The following NALF1 variants were observed in gnomAD, a reference collection of about 807,000 sequenced individuals.
NALF1 encodes family with sequence similarity 155 member A.
In NALF1, 3 loss-of-function variants were observed where a neutral mutation model predicts 48.4. The observed-to-expected ratio is 0.06, with a 90% CI of 0.03 to 0.16. NALF1 has a LOEUF of 0.16. NALF1 is among the 10% of genes least tolerant of loss of function. The pLI is 1.00. For missense variants in NALF1, 526 were observed against 571.5 expected, an observed-to-expected ratio of 0.92 and a Z score of 0.81; for synonymous variants, 262 against 245.7, an observed-to-expected ratio of 1.07 and a Z score of -0.62.
At position 107,259,161 on chromosome 13, in the gene NALF1, C is replaced by T. The variant is rs114021367; in HGVS notation, c.916-48406G>A. 4.3e-3 allele frequency among the ~76,000 whole-genome samples: 654 copies of T among 152,272 alleles called. 8 individuals are homozygous for T. The highest frequency in any genetic ancestry group is 0.015 in the African/African-American group (620 of 41,570). On this transcript the variant is annotated intron_variant, in intron 1 of 2. Coordinates refer to ENST00000375915, the MANE Select transcript of NALF1 (RefSeq NM_001080396.3). ...TATGCTTCTGAGCTGCTCCTGGCCA[C>T]GTGTGCCTTTTCCCCTTTTCCTCCA... is the stretch of plus-strand genomic sequence containing the variant.
intron 1 of NALF1, among the ~76,000 whole-genome samples, chr13:107,378,178 C>T (rs2138971151): frequency 6.6e-6 from 1 of 152,216 alleles, no homozygotes; most frequent in South Asian, 2.1e-4. Flanking sequence ...ATTTTACATT[C>T]TGTATGATGC....
chr13:107,447,439 C>G (rs1566346409), intron 1 of NALF1, among the ~76,000 whole-genome samples: 2 of 152,122 alleles, frequency 1.3e-5, no homozygotes, highest in Admixed American at 1.3e-4. Context: ...ATAAGATGCT[C>G]ATTTCTTTTA....
intron 1 of NALF1, among the ~76,000 whole-genome samples, chr13:107,462,883 A>G (rs114076162): frequency 6.6e-6 from 1 of 152,116 alleles, no homozygotes; most frequent in Non-Finnish European, 1.5e-5. Context: ...GCTGATTTTA[A>G]TCTGTATATT....
chr13:107,494,035 T>TCACTTTTTGA (rs1875240430), intron 1 of NALF1, among the ~76,000 whole-genome samples: 1 of 150,506 alleles, frequency 6.6e-6, no homozygotes, highest in African/African-American at 2.5e-5. Flanking sequence ...AATGATTTGA[T>TCACTTTTTGA]TTCAGTACAC....
chr13:107,441,340 G>A (rs1219850173), intron 1 of NALF1, among the ~76,000 whole-genome samples: 1 of 152,188 alleles, frequency 6.6e-6, no homozygotes. Context: ...TGGATCTATT[G>A]AGGAATTTAA....
chr13:107,550,788 T>C lies in NALF1; in HGVS notation c.915+314894A>G, dbSNP rs1877269445. Among the ~76,000 whole-genome samples the C allele has an allele frequency of 2.0e-5, 3 of 152,096 alleles. No individual in the cohort carries two copies. In the South Asian group the frequency reaches 6.2e-4, roughly 32 times the overall value. On this transcript the variant is annotated intron_variant, in intron 1 of 2. Coordinates refer to ENST00000375915, the MANE Select transcript of NALF1 (RefSeq NM_001080396.3). The stretch of plus-strand genomic sequence containing the variant: ...AGAGGATAACTAGACCAATGAACTA[T>C]AATGTTAGTTTAGGTCCTGGCTCAG...
intron 1 of NALF1, among the ~76,000 whole-genome samples, chr13:107,262,473 C>T (rs74839056): frequency 0.019 from 2,883 of 152,188 alleles, 38 homozygotes; most frequent in Non-Finnish European, 0.031. Flanking sequence ...CGATGTTGGA[C>T]GATGCTTATA....
chr13:107,458,028 T>C (rs1290021598), intron 1 of NALF1, among the ~76,000 whole-genome samples: 1 of 152,210 alleles, frequency 6.6e-6, no homozygotes, highest in Non-Finnish European at 1.5e-5. Flanking sequence ...CCTTGTCCTC[T>C]CACTGCCCTC....
intron 1 of NALF1, among the ~76,000 whole-genome samples, chr13:107,553,229 G>T (rs1352463228): frequency 6.6e-6 from 1 of 152,082 alleles, no homozygotes; most frequent in Admixed American, 6.5e-5. Context: ...CATAAAACTG[G>T]TTTATAACAC....
chr13:107,621,474 A>G (rs1669554296), intron 1 of NALF1, among the ~76,000 whole-genome samples: 1 of 152,190 alleles, frequency 6.6e-6, no homozygotes, highest in Non-Finnish European at 1.5e-5. Context: ...AGAACTATTA[A>G]GTCATCAGAA....
At chr13:107,191,833 A>ATTTTTTTTTTTTTTTTTTTTTT (rs66566638) in intron 2 of NALF1, among the ~76,000 whole-genome samples, 3 of 112,224 alleles carry the variant, frequency 2.7e-5, no homozygotes, top group African/African-American at 3.5e-5. Flanking sequence ...CACTATGCCT[A>ATTTTTTTTTTTTTTTTTTTTTT]TTTTTTTTTT....
intron 1 of NALF1, among the ~76,000 whole-genome samples, chr13:107,425,156 G>A (rs1884258236): frequency 6.6e-6 from 1 of 152,164 alleles, no homozygotes; most frequent in Admixed American, 6.6e-5. Context: ...TAAATTTTGA[G>A]AAAAGAATCC....
chr13:107,174,337 TTTTA>T (rs200368067), intron 2 of NALF1, among the ~76,000 whole-genome samples: 3,912 of 95,288 alleles, frequency 0.041, 75 homozygotes, highest in Non-Finnish European at 0.06. Context: ...ATGGAGAAAC[TTTTA>T]TTTTTATTTA....
intron 1 of NALF1, among the ~76,000 whole-genome samples, chr13:107,608,669 C>T (rs747269473): frequency 2.6e-5 from 4 of 151,990 alleles, no homozygotes; most frequent in Admixed American, 1.3e-4. Context: ...TACTATATGT[C>T]GAATATAATT....
In NALF1 at chr13:107,657,300, T is replaced by C. The variant is rs932619157; in HGVS notation, c.915+208382A>G. On this transcript the variant is annotated intron_variant, in intron 1 of 2. Coordinates refer to ENST00000375915, the MANE Select transcript of NALF1 (RefSeq NM_001080396.3). ...AGAGAGAGTGAAATTATACAGGTAC[T>C]ACAAATATTTCTTAAAACTAAGCTA... Among the ~76,000 whole-genome samples the C allele has an allele frequency of 9.8e-5, 15 of 152,316 alleles. No homozygotes were observed. The South Asian group carries it at 2.7e-3, about 27-fold the overall frequency.
At chr13:107,653,620 C>T (rs1449686117) in intron 1 of NALF1, among the ~76,000 whole-genome samples, 3 of 151,816 alleles carry the variant, frequency 2.0e-5, no homozygotes, top group African/African-American at 4.8e-5. Context: ...AGAATATATT[C>T]TCTCTACTTC....
At chr13:107,282,360 T>C (rs928543146) in intron 1 of NALF1, among the ~76,000 whole-genome samples, 1 of 152,182 alleles carries the variant, frequency 6.6e-6, no homozygotes, top group Admixed American at 6.6e-5. Flanking sequence ...ATTTAAGTAA[T>C]ACCTGAATTA....
intron 1 of NALF1, among the ~76,000 whole-genome samples, chr13:107,562,594 A>G (rs1263517051): frequency 6.6e-6 from 1 of 152,188 alleles, no homozygotes; most frequent in Non-Finnish European, 1.5e-5. Context: ...ATGGATGTGG[A>G]TCTTTAAGCT....
intron 1 of NALF1, among the ~76,000 whole-genome samples, chr13:107,430,946 T>C (rs1186792682): frequency 6.6e-6 from 1 of 152,182 alleles, no homozygotes; most frequent in Non-Finnish European, 1.5e-5. Context: ...TTTCTCCACA[T>C]CCTCTCCAGC....
Sources: gnomAD v4.1 joint callset for allele counts (sites outside exome capture counted in the v4.1 genomes callset) on GRCh38, gnomAD v4.1.1 for gene constraint, MANE v1.5 for transcripts, NCBI Gene and HGNC (gene_info 2026-07-23, HGNC 2026-07-21) for gene names.